MLANA: variants seen among roughly 807,000 people sequenced by gnomAD.
MLANA encodes the protein melanoma antigen recognized by T-cells 1.
MLANA carries 21 observed loss-of-function variants against 15.7 expected under a neutral mutation model. The observed-to-expected ratio is 1.33, with a 90% CI of 0.95 to 1.92. The LOEUF (loss-of-function observed/expected upper bound fraction) is 1.92, where lower values mean the gene tolerates loss of function less well. Ranked by LOEUF, MLANA falls within the 40% of genes most tolerant of loss-of-function variation. The pLI, the probability that MLANA is intolerant of heterozygous loss-of-function variation, is 0.00. For missense variants in MLANA, 164 were observed against 143.8 expected (o/e 1.14, Z -0.72); for synonymous variants, 56 against 51.5 (o/e 1.09, Z -0.37).
At chr9:5,904,231 G>A (rs1312520075) in intron 3 of MLANA, among the ~76,000 whole-genome samples, 2 of 152,202 alleles carry the variant, frequency 1.3e-5, no homozygotes, top group Admixed American at 1.3e-4. Context: ...AGAACACATA[G>A]TTGGGTCTTG....
rs1331918658 is a variant in MLANA at position 5,892,423 on chromosome 9, A to T, written c.-25-27A>T. On this transcript the variant is annotated intron_variant, in intron 1 of 4. Coordinates refer to ENST00000381477, the MANE Select transcript of MLANA (RefSeq NM_005511.2). ...GAATAGGGTGGCTTTGGATGCATTA[A>T]TGATGCCCACATGCTCCTTCTGTTA... 3 of 1,561,898 alleles carry T rather than the reference A, an allele frequency of 1.9e-6. No individual in the cohort carries two copies. The African/African-American group carries it at 4.1e-5, about 21-fold the overall frequency.
In MLANA at chr9:5,903,255, C is replaced by A. The variant is rs529368384; in HGVS notation, c.175-3630C>A. On this transcript the variant is annotated intron_variant, in intron 3 of 4. Coordinates refer to ENST00000381477, the MANE Select transcript of MLANA (RefSeq NM_005511.2). ...TTTGTGGCCCAGAATGTGGTTTATC[C>A]TGGTTAATGTTCTGAGCTTGAGAAG... Among the ~76,000 whole-genome samples, 38 of 152,184 alleles carry A rather than the reference C, an allele frequency of 2.5e-4. 1 individual carries two copies. Among genetic ancestry groups the A allele is most frequent in the Admixed American group, 2.0e-3 (31 of 15,286 alleles).
intron 3 of MLANA, among the ~76,000 whole-genome samples, chr9:5,906,368 G>C (rs1351127184): frequency 6.6e-6 from 1 of 151,274 alleles, no homozygotes; most frequent in African/African-American, 2.4e-5. Context: ...GAAAAAAAAA[G>C]TTTTTATTTT....
intron 3 of MLANA, among the ~76,000 whole-genome samples, 168 bp downstream of exon 3, chr9:5,897,821 G>C (rs912321888): frequency 4.6e-5 from 7 of 152,158 alleles, no homozygotes; most frequent in Non-Finnish European, 5.9e-5. Context: ...CTCTACCTTT[G>C]CCTCTGCTCA....
At chr9:5,906,521 G>C (rs1022291910) in intron 3 of MLANA, among the ~76,000 whole-genome samples, 1 of 152,118 alleles carries the variant, frequency 6.6e-6, no homozygotes, top group African/African-American at 2.4e-5. Context: ...ATTTTTGCTT[G>C]ACAAAGTCTT....
chr9:5,905,374 G>A (rs1390831199), intron 3 of MLANA, among the ~76,000 whole-genome samples: 2 of 152,250 alleles, frequency 1.3e-5, no homozygotes, highest in Non-Finnish European at 2.9e-5. Context: ...AGAGTTTTAG[G>A]TACAACTGAC....
chr9:5,904,754 C>G (rs577505792), intron 3 of MLANA, among the ~76,000 whole-genome samples: 65 of 150,900 alleles, frequency 4.3e-4, no homozygotes, highest in South Asian at 1.0e-3. Context: ...CGTGAGCCAC[C>G]GCGCCCAGTC....
At chr9:5,907,120 T>A in intron 4 of MLANA, 122 bp downstream of exon 4, 1 of 537,738 alleles carries the variant, frequency 1.9e-6, no homozygotes, top group African/African-American at 2.0e-5. Flanking sequence ...CTGAACTATA[T>A]ACACCTAAAA....
chr9:5,908,573 C>A, intron 4 of MLANA, 67 bp from the exon 5 acceptor site: 1 of 1,335,798 alleles, frequency 7.5e-7, no homozygotes, highest in Non-Finnish European at 1.1e-6. Flanking sequence ...ACTATTTTAA[C>A]TTAATCCCTT....
At chr9:5,906,337 AAAAAAGAAAAG>A (rs1563821782) in intron 3 of MLANA, among the ~76,000 whole-genome samples, 2 of 150,156 alleles carry the variant, frequency 1.3e-5, no homozygotes, top group East Asian at 1.9e-4. Flanking sequence ...CTCAAAAAAA[AAAAAAGAAAAG>A]AAAAGAAAAG....
chr9:5,895,457 T>C (rs1249963069), intron 2 of MLANA, among the ~76,000 whole-genome samples: 1 of 151,896 alleles, frequency 6.6e-6, no homozygotes, highest in Non-Finnish European at 1.5e-5. Flanking sequence ...AAACAATGCA[T>C]CCCTAAGATC....
chr9:5,903,519 AT>A (rs1832586016), intron 3 of MLANA, among the ~76,000 whole-genome samples: 1 of 152,214 alleles, frequency 6.6e-6, no homozygotes, highest in South Asian at 2.1e-4. Context: ...TGTTGGCCTC[AT>A]ACAATGAGTT....
rs1052463655 is a variant in MLANA, at chr9:5,894,093, T to C, written c.77+1542T>C. ...GCTGCAGGCCAGCAGAGGCAAATAT[T>C]TGCACAATCCCATCCGACGAGAGGC... On this transcript the variant is annotated intron_variant, in intron 2 of 4. Transcript: ENST00000381477. The surrounding 1 kb of genome is among the most constrained non-coding windows in gnomAD (Gnocchi z 4.0). Among the ~76,000 whole-genome samples the C allele has an allele frequency of 1.3e-5, 2 of 152,124 alleles. No homozygotes were observed. The highest frequency in any genetic ancestry group is 2.9e-5 in the Non-Finnish European group (2 of 68,032).
intron 3 of MLANA, among the ~76,000 whole-genome samples, chr9:5,901,343 T>G (rs1331830793): frequency 6.6e-6 from 1 of 152,160 alleles, no homozygotes; most frequent in Admixed American, 6.5e-5. Flanking sequence ...AACTGTTGAT[T>G]TTTTGTACCT....
chr9:5,892,669 G>C, intron 2 of MLANA, 118 bp downstream of exon 2: 1 of 753,504 alleles, frequency 1.3e-6, no homozygotes, highest in Non-Finnish European at 2.1e-6. Flanking sequence ...TCCCCAGACA[G>C]TAACATCCCT....
chr9:5,892,705 C>A (rs1831733973), intron 2 of MLANA, among the ~76,000 whole-genome samples, 154 bp downstream of exon 2: 1 of 152,174 alleles, frequency 6.6e-6, no homozygotes, highest in South Asian at 2.1e-4. Flanking sequence ...AGATTCTGTG[C>A]TTCTATAAGG....
intron 3 of MLANA, among the ~76,000 whole-genome samples, chr9:5,899,512 A>G (rs1476909460): frequency 1.3e-5 from 2 of 152,180 alleles, no homozygotes. Context: ...AGTGGGAAGG[A>G]GGAGGAGTTG....
At position 5,897,577 on chromosome 9, in the gene MLANA, TG is replaced by T. The variant is rs1399595065; in HGVS notation, c.99del (p.Thr34GlnfsTer2). 1.9e-6 allele frequency: 3 copies of T among 1,614,052 alleles called. No homozygotes were observed. In the African/African-American group the frequency reaches 4.0e-5, roughly 22 times the overall value. On this transcript the variant is annotated frameshift_variant, in exon 3 of 5. Transcript: ENST00000381477. LOFTEE classifies it high-confidence loss of function. ...GCCAGGGCCGCTGGGATCGGCATCC[TG>T]ACAGTGATCCTGGGAGTCTTACTGC... ...TAEEAAGIGI[L>X]TVILGVLLLI...
rs1486285810 is a variant in MLANA, at chr9:5,910,017, C to T, written c.*1309C>T. The stretch of plus-strand genomic sequence containing the variant: ...CCATAGTAGAGGATAACTATAACAA[C>T]GAAGATAATGAAAGTAATTTTTTTA... On this transcript the variant is annotated 3_prime_UTR_variant, in exon 5 of 5. Coordinates refer to ENST00000381477, the MANE Select transcript of MLANA (RefSeq NM_005511.2). 6.6e-6 allele frequency: 1 copy of T among 152,050 alleles called. No homozygotes were observed. The highest frequency in any genetic ancestry group is 1.5e-5 in the Non-Finnish European group (1 of 68,022). 9.4% of individuals were successfully genotyped at this position (152,050 alleles called of 1,614,324 possible).
Sources: allele counts gnomAD v4.1 joint callset (sites outside exome capture counted in the v4.1 genomes callset), GRCh38; gene constraint gnomAD v4.1.1; non-coding constraint Gnocchi (gnomAD v3.1); transcripts MANE v1.5; gene names NCBI Gene and HGNC (gene_info 2026-07-23, HGNC 2026-07-21).